TTC28: variants seen among roughly 807,000 people sequenced by gnomAD.
TTC28 encodes tetratricopeptide repeat protein 28.
In TTC28, 61 loss-of-function variants were observed where a neutral mutation model predicts 198.0. The ratio of observed to expected loss-of-function variants is 0.31; its 90% CI spans 0.25 to 0.38. The LOEUF (loss-of-function observed/expected upper bound fraction) is 0.38, where lower values mean the gene tolerates loss of function less well. Among genes scored for constraint, TTC28 ranks in the 10% least tolerant of loss-of-function variants. The pLI is 1.00. For missense variants in TTC28, 2,678 were observed against 3,164.0 expected, an observed-to-expected ratio of 0.85 and a Z score of 3.69; for synonymous variants, 1,171 against 1,297.8, an observed-to-expected ratio of 0.90 and a Z score of 2.10.
chr22:28,117,834 ATAGT>A (rs993444824), intron 6 of TTC28, among the ~76,000 whole-genome samples: 11 of 152,244 alleles, frequency 7.2e-5, no homozygotes, highest in Non-Finnish European at 1.2e-4. Context: ...TGTGAAAAAA[ATAGT>A]TAGAAAGAAT....
At chr22:28,521,273 T>C (rs2048902044) in intron 2 of TTC28, among the ~76,000 whole-genome samples, 1 of 151,364 alleles carries the variant, frequency 6.6e-6, no homozygotes, top group South Asian at 2.1e-4. Flanking sequence ...CTGGGCATGG[T>C]AGTGTACACC....
intron 5 of TTC28, among the ~76,000 whole-genome samples, chr22:28,249,873 G>C (rs1930395364): frequency 6.6e-6 from 1 of 152,184 alleles, no homozygotes; most frequent in Non-Finnish European, 1.5e-5. Context: ...CGGGCCTGAA[G>C]ACCAGCCATT....
At chr22:28,657,112 C>T (rs1449695398) in intron 1 of TTC28, among the ~76,000 whole-genome samples, 1 of 152,130 alleles carries the variant, frequency 6.6e-6, no homozygotes, top group African/African-American at 2.4e-5. Context: ...CCACTTTATA[C>T]GTGGGACAAT....
Position 28,103,220 on chromosome 22 carries a change from T to C in TTC28, c.3308-1940A>G, listed in dbSNP as rs190902679. On this transcript the variant is annotated intron_variant, in intron 8 of 22. Transcript: ENST00000397906. ...ACCTGACTCACCCATCCAGCTCTCC[T>C]AGAACCTATAGTTTGTCAGGGACTG... 1.2e-4 allele frequency among the ~76,000 whole-genome samples: 18 copies of C among 152,326 alleles called. No individual in the cohort carries two copies. In the East Asian group the frequency reaches 1.9e-3, roughly 16 times the overall value.
intron 2 of TTC28, among the ~76,000 whole-genome samples, chr22:28,395,463 C>A (rs1210703373): frequency 6.6e-6 from 1 of 152,032 alleles, no homozygotes; most frequent in East Asian, 1.9e-4. Flanking sequence ...AAAACCCCAA[C>A]TCTACTAAAA....
chr22:28,248,435 T>A (rs1358141782), intron 5 of TTC28, among the ~76,000 whole-genome samples: 1 of 152,186 alleles, frequency 6.6e-6, no homozygotes, highest in Non-Finnish European at 1.5e-5. Context: ...GATGTTAGAA[T>A]TTAAAACAGA....
chr22:28,280,654 T>A (rs947354226), intron 5 of TTC28, among the ~76,000 whole-genome samples: 10 of 152,158 alleles, frequency 6.6e-5, no homozygotes, highest in Non-Finnish European at 1.0e-4. Flanking sequence ...TCTTTTATAT[T>A]TACCAACATA....
chr22:28,382,941 G>T (rs746194753), intron 2 of TTC28, among the ~76,000 whole-genome samples: 1 of 152,082 alleles, frequency 6.6e-6, no homozygotes, highest in Non-Finnish European at 1.5e-5. Flanking sequence ...CTCTAAACAA[G>T]ATCACAAATG....
intron 2 of TTC28, among the ~76,000 whole-genome samples, chr22:28,605,495 G>A (rs2050714339): frequency 6.6e-6 from 1 of 152,102 alleles, no homozygotes; most frequent in Admixed American, 6.6e-5. Flanking sequence ...ATGTACCCAA[G>A]AAGAGACAGA....
At chr22:28,493,065 A>T (rs1293306824) in intron 2 of TTC28, among the ~76,000 whole-genome samples, 1 of 151,822 alleles carries the variant, frequency 6.6e-6, no homozygotes, top group Non-Finnish European at 1.5e-5. Flanking sequence ...AAAAAAAAAA[A>T]AAAAGTTTTG....
intron 2 of TTC28, among the ~76,000 whole-genome samples, chr22:28,482,715 C>T (rs1226907668): frequency 1.3e-5 from 2 of 152,194 alleles, no homozygotes; most frequent in Non-Finnish European, 1.5e-5. Flanking sequence ...ACTCATTAAG[C>T]AGCTTCTTCC....
At chr22:28,068,145 C>T (rs1008998909) in intron 12 of TTC28, among the ~76,000 whole-genome samples, 1 of 152,112 alleles carries the variant, frequency 6.6e-6, no homozygotes, top group Non-Finnish European at 1.5e-5. Flanking sequence ...TTTTCATGAG[C>T]CTTGACAGAG....
intron 5 of TTC28, among the ~76,000 whole-genome samples, chr22:28,182,672 T>C (rs536688079): frequency 6.6e-6 from 1 of 152,272 alleles, no homozygotes; most frequent in South Asian, 2.1e-4. Context: ...TAGGCTAAGA[T>C]CTCCTGAAAT....
chr22:28,251,586 G>A (rs1230550154), intron 5 of TTC28, among the ~76,000 whole-genome samples: 1 of 152,186 alleles, frequency 6.6e-6, no homozygotes, highest in African/African-American at 2.4e-5. Flanking sequence ...ATTACTAACT[G>A]AAGTGTAAAG....
At chr22:28,063,716 T>C (rs1940639163) in intron 12 of TTC28, among the ~76,000 whole-genome samples, 1 of 152,054 alleles carries the variant, frequency 6.6e-6, no homozygotes. Flanking sequence ...TCAGGTTGAC[T>C]CCAACTTCCC....
At chr22:28,614,570 A>T (rs1450475260) in intron 2 of TTC28, among the ~76,000 whole-genome samples, 1 of 152,230 alleles carries the variant, frequency 6.6e-6, no homozygotes, top group Non-Finnish European at 1.5e-5. Flanking sequence ...TAACCAAAAC[A>T]GCATGGTACT....
At chr22:28,394,231 T>C (rs1165631796) in intron 2 of TTC28, among the ~76,000 whole-genome samples, 8 of 152,208 alleles carry the variant, frequency 5.3e-5, no homozygotes, top group South Asian at 4.1e-4. Context: ...CCCAACCCTA[T>C]TTTTTAATAA....
chr22:28,458,880 CAA>C (rs770042819), intron 2 of TTC28, among the ~76,000 whole-genome samples: 14 of 105,310 alleles, frequency 1.3e-4, no homozygotes, highest in Admixed American at 2.1e-4. Flanking sequence ...GACTCCATCT[CAA>C]AAAAAAAAAA....
intron 1 of TTC28, among the ~76,000 whole-genome samples, chr22:28,637,753 A>G (rs766808110): frequency 2.0e-5 from 3 of 151,988 alleles, no homozygotes; most frequent in African/African-American, 4.8e-5. Flanking sequence ...AAATTTTTAA[A>G]TTAAAAAAAA....
Sources: allele counts gnomAD v4.1 joint callset (sites outside exome capture counted in the v4.1 genomes callset), GRCh38; gene constraint gnomAD v4.1.1; transcripts MANE v1.5; gene names NCBI Gene and HGNC (gene_info 2026-07-23, HGNC 2026-07-21).